The following TENM1 variants were observed in gnomAD, a reference collection of about 807,000 sequenced individuals.
The protein encoded by TENM1 is teneurin transmembrane protein 1.
In TENM1, 35 loss-of-function variants were observed where a neutral mutation model predicts 174.8. That is an observed-to-expected ratio of 0.20 (90% CI 0.15 to 0.27). The LOEUF (loss-of-function observed/expected upper bound fraction) is 0.27. TENM1 is among the 10% of genes least tolerant of loss of function. The pLI, the probability that TENM1 is intolerant of heterozygous loss-of-function variation, is 1.00. For missense variants in TENM1, 1,633 were observed against 2,130.1 expected, an observed-to-expected ratio of 0.77 and a Z score of 4.59; for synonymous variants, 781 against 798.7, an observed-to-expected ratio of 0.98 and a Z score of 0.37.
At chrX:125,115,975 C>T in the TENM1 span, among the ~76,000 whole-genome samples, 11 of 111,272 alleles carry the variant, frequency 9.9e-5, no homozygotes, top group Non-Finnish European at 1.3e-4. Context: ...GGAGGCATCA[C>T]GCTACTTGAT....
chrX:124,594,660 A>G (rs1471456321), intron 11 of TENM1, among the ~76,000 whole-genome samples: 1 of 112,200 alleles, frequency 8.9e-6, no homozygotes, highest in Admixed American at 9.4e-5. Context: ...TCTACTATCT[A>G]TGTGCATCCC....
the TENM1 span, among the ~76,000 whole-genome samples, chrX:125,051,049 CA>C: frequency 9.0e-6 from 1 of 111,142 alleles, no homozygotes; most frequent in South Asian, 3.8e-4. Context: ...TCTTATACAC[CA>C]ATAACAGACA....
chrX:125,096,211 C>G, the TENM1 span, among the ~76,000 whole-genome samples: 8,128 of 111,328 alleles, frequency 0.073, 228 homozygotes, highest in Middle Eastern at 0.15. Context: ...GTGGTTCCAA[C>G]AAGACAAAAT....
At chrX:124,523,615 C>T (rs138773651) in exon 17 of TENM1, 93 of 1,208,598 alleles carry the variant, frequency 7.7e-5, no homozygotes, top group Admixed American at 2.4e-4. Flanking sequence ...CCGATGGCCA[C>T]GAGGTCAAAG....
intron 3 of TENM1, among the ~76,000 whole-genome samples, chrX:124,799,417 C>A (rs1378709738): frequency 9.0e-6 from 1 of 110,587 alleles, no homozygotes; most frequent in Admixed American, 9.6e-5. Context: ...ACATTCCTAG[C>A]TAGCTGTATT....
At chrX:124,901,661 A>T (rs777047340) in intron 1 of TENM1, among the ~76,000 whole-genome samples, 1 of 110,979 alleles carries the variant, frequency 9.0e-6, no homozygotes, top group East Asian at 2.8e-4. Flanking sequence ...AATTATTTGT[A>T]GAGAAGAGCT....
intron 11 of TENM1, among the ~76,000 whole-genome samples, chrX:124,606,437 T>C (rs2050158824): frequency 8.9e-6 from 1 of 111,750 alleles, no homozygotes; most frequent in Non-Finnish European, 1.9e-5. Context: ...AAGAAGATTC[T>C]AGTCCTCATT....
chrX:124,518,429 G>A (rs1434948198), intron 18 of TENM1, among the ~76,000 whole-genome samples: 1 of 108,739 alleles, frequency 9.2e-6, no homozygotes, highest in East Asian at 2.9e-4. Context: ...GGGCGGGCAG[G>A]GAGGGCAAAT....
At chrX:124,647,845 C>T (rs2051201533) in intron 8 of TENM1, among the ~76,000 whole-genome samples, 1 of 109,884 alleles carries the variant, frequency 9.1e-6, no homozygotes. Flanking sequence ...AGTGTTCTGG[C>T]CTATTAAACT....
At chrX:125,104,020 A>G in the TENM1 span, among the ~76,000 whole-genome samples, 4 of 112,308 alleles carry the variant, frequency 3.6e-5, no homozygotes, top group Non-Finnish European at 5.6e-5. Flanking sequence ...TAACTACAGT[A>G]AACAGCTAGG....
At chrX:124,847,828 A>T (rs2056639362) in intron 3 of TENM1, among the ~76,000 whole-genome samples, 1 of 111,705 alleles carries the variant, frequency 9.0e-6, no homozygotes, top group Non-Finnish European at 1.9e-5. Context: ...AAGAATCTCC[A>T]TGCAGCTCCA....
At chrX:124,708,022 G>C (rs768282169) in intron 4 of TENM1, among the ~76,000 whole-genome samples, 1 of 112,016 alleles carries the variant, frequency 8.9e-6, no homozygotes, top group South Asian at 3.7e-4. Flanking sequence ...TCATCACCTT[G>C]ACCAAAGTCT....
intron 5 of TENM1, among the ~76,000 whole-genome samples, chrX:124,686,236 G>A (rs2148462362): frequency 9.0e-6 from 1 of 111,216 alleles, no homozygotes; most frequent in African/African-American, 3.3e-5. Flanking sequence ...TACCAACTGA[G>A]AATATTATAA....
chrX:125,023,281 C>T, the TENM1 span, among the ~76,000 whole-genome samples: 1 of 111,351 alleles, frequency 9.0e-6, no homozygotes. Flanking sequence ...CACTGACACA[C>T]TCACTCTCGC....
chrX:124,965,117 G>A (rs561098981), upstream of TENM1, among the ~76,000 whole-genome samples: 28 of 111,830 alleles, frequency 2.5e-4, no homozygotes, highest in Middle Eastern at 4.6e-3. Flanking sequence ...TTGCTCAGTC[G>A]CCCAGGCTGG....
At chrX:124,463,108 C>T (rs2061197309) in intron 22 of TENM1, among the ~76,000 whole-genome samples, 1 of 112,006 alleles carries the variant, frequency 8.9e-6, no homozygotes, top group Non-Finnish European at 1.9e-5. Flanking sequence ...TCCAGTTGTT[C>T]TGTCAATATA....
intron 22 of TENM1, among the ~76,000 whole-genome samples, chrX:124,465,580 A>C (rs1333927867): frequency 9.0e-6 from 1 of 110,861 alleles, no homozygotes; most frequent in African/African-American, 3.3e-5. Flanking sequence ...TTGATCTCTT[A>C]TTTCTTTTGG....
At chrX:124,644,182 T>G (rs1381548483) in intron 10 of TENM1, among the ~76,000 whole-genome samples, 4 of 100,334 alleles carry the variant, frequency 4.0e-5, no homozygotes, top group Non-Finnish European at 7.9e-5. Flanking sequence ...TATATATATA[T>G]AGACATATAT....
At chrX:124,385,625 C>T in intron 29 of TENM1, 52 bp downstream of exon 32, 1 of 1,120,576 alleles carries the variant, frequency 8.9e-7, no homozygotes, top group Non-Finnish European at 1.2e-6. Flanking sequence ...GTAAAAATGT[C>T]ATAAGAAAAT....
Sources: gnomAD v4.1 joint callset for allele counts (sites outside exome capture counted in the v4.1 genomes callset) on GRCh38, gnomAD v4.1.1 for gene constraint, MANE v1.5 for transcripts, NCBI Gene and HGNC (gene_info 2026-07-23, HGNC 2026-07-21) for gene names.